ABCB10: variants seen among roughly 807,000 people sequenced by gnomAD.
ABCB10 encodes the protein ATP-binding cassette sub-family B member 10, mitochondrial.
In ABCB10, 54 loss-of-function variants were observed where a neutral mutation model predicts 65.4. That is an observed-to-expected ratio of 0.83 (90% CI 0.66 to 1.04). The LOEUF (loss-of-function observed/expected upper bound fraction) is 1.04. Ranked by LOEUF, ABCB10 falls within the 50% of genes least tolerant of loss-of-function variation. The pLI is 0.00. For synonymous variants in ABCB10, 418 were observed against 406.5 expected (o/e 1.03, Z -0.34); for missense variants, 846 against 976.6 (o/e 0.87, Z 1.78).
intron 12 of ABCB10, 70 bp from the exon 13 acceptor site, chr1:229,518,480 G>GC: frequency 7.8e-7 from 1 of 1,284,792 alleles, no homozygotes; most frequent in Non-Finnish European, 1.1e-6. Context: ...GATACACACA[G>GC]CAGCCCTTCC....
intron 1 of ABCB10, among the ~76,000 whole-genome samples, chr1:229,557,839 A>G (rs1005468330): frequency 6.6e-6 from 1 of 152,234 alleles, no homozygotes; most frequent in African/African-American, 2.4e-5. Context: ...GCCAAAACAG[A>G]TGCTCCCACT....
intron 12 of ABCB10, 56 bp downstream of exon 12, chr1:229,518,785 G>T: frequency 7.1e-7 from 1 of 1,400,558 alleles, no homozygotes; most frequent in Non-Finnish European, 9.8e-7. Context: ...GTGTTTTGGT[G>T]AAGGAAGAAT....
At chr1:229,518,476 C>T in intron 12 of ABCB10, 66 bp from the exon 13 acceptor site, 3 of 1,296,756 alleles carry the variant, frequency 2.3e-6, no homozygotes, top group Non-Finnish European at 3.3e-6. Context: ...TCCTGATACA[C>T]ACAGCAGCCC....
chr1:229,535,065 A>AAAAAAG (rs1662683759), intron 6 of ABCB10: 1 of 148,718 alleles, frequency 6.7e-6, no homozygotes, highest in African/African-American at 2.5e-5. Context: ...AAAAAAAAAA[A>AAAAAAG]AAACCTTGCC....
chr1:229,518,225 C>G lies in ABCB10; in HGVS notation c.2171G>C (p.Gly724Ala), dbSNP rs1662222077. ...TTTGTTCATTAGTTTTCTGTATATC[C>G]CATTTGGTTTTGAAAGCAGCTCTTC... ...KHEELLSKPN[G>A]IYRKLMNKQS... The change falls in exon 13 of 13, where the codon GGG becomes GCG. Residue 724 changes from glycine to alanine, a missense_variant. Physicochemically the swap from Gly to Ala is moderately conservative, Grantham distance 60 (BLOSUM62 0). Coordinates refer to ENST00000344517, the MANE Select transcript of ABCB10 (RefSeq NM_012089.3). 1.2e-6 allele frequency: 2 copies of G among 1,613,940 alleles called. No homozygotes were observed. The highest frequency in any genetic ancestry group is 1.7e-6 in the Non-Finnish European group (2 of 1,179,994).
In ABCB10 at chr1:229,558,572, G is replaced by C; in HGVS notation, c.81C>G (p.Ala27=). ...PAEPGRLLPV[A]CVWAAASRVP... ...CGCGGCTGGCCGCGGCCCACACGCA[G>C]GCTACCGGCAGGAGCCGACCTGGCT... The change falls in exon 1 of 13, where the codon GCC becomes GCG. Residue 27 remains alanine (A), a synonymous_variant. Coordinates refer to ENST00000344517, the MANE Select transcript of ABCB10 (RefSeq NM_012089.3). 1.4e-6 allele frequency: 2 copies of C among 1,445,610 alleles called. No homozygotes were observed. Among genetic ancestry groups the C allele is most frequent in the Non-Finnish European group, 1.8e-6 (2 of 1,101,368 alleles). 89.5% of individuals were successfully genotyped at this position (1,445,610 alleles called of 1,614,324 possible).
At chr1:229,538,472 C>T (rs559752233) in intron 6 of ABCB10, among the ~76,000 whole-genome samples, 3 of 152,096 alleles carry the variant, frequency 2.0e-5, no homozygotes, top group Non-Finnish European at 2.9e-5. Context: ...AACCTCCAGC[C>T]CAGCAGGCTC....
intron 8 of ABCB10, among the ~76,000 whole-genome samples, chr1:229,529,708 A>G (rs1662534709): frequency 6.7e-6 from 1 of 149,640 alleles, no homozygotes; most frequent in Non-Finnish European, 1.5e-5. Context: ...TGAATCACTG[A>G]TGGCCAAGTT....
chr1:229,545,663 T>C (rs1662949087), intron 3 of ABCB10, among the ~76,000 whole-genome samples: 1 of 152,240 alleles, frequency 6.6e-6, no homozygotes. Flanking sequence ...GATCAAGTAC[T>C]TTCAATGAAA....
chr1:229,521,646 C>T lies in ABCB10; in HGVS notation c.1907-11G>A, dbSNP rs1378196917. 1.2e-6 allele frequency: 2 copies of T among 1,612,470 alleles called. No individual in the cohort carries two copies. Among genetic ancestry groups the T allele is most frequent in the Non-Finnish European group, 1.7e-6 (2 of 1,179,250 alleles). On this transcript the variant is annotated splice_polypyrimidine_tract_variant and intron_variant, in intron 10 of 12. Transcript: ENST00000344517. ...GCTGTTTCTGCCCACCTGACAAAGACAACATTTAAAAAAAGAAGGCCTCAA... is the reference window on the plus strand; with the variant it reads ...GCTGTTTCTGCCCACCTGACAAAGATAACATTTAAAAAAAGAAGGCCTCAA...
chr1:229,531,503 G>C, intron 7 of ABCB10, 133 bp downstream of exon 7: 1 of 858,198 alleles, frequency 1.2e-6, no homozygotes, highest in East Asian at 2.6e-5. Flanking sequence ...CTCCTCACCC[G>C]GCCCGCCATG....
chr1:229,553,337 C>T (rs972711800), intron 1 of ABCB10, among the ~76,000 whole-genome samples: 6 of 151,992 alleles, frequency 3.9e-5, no homozygotes, highest in Non-Finnish European at 8.8e-5. Flanking sequence ...CTTGAACTGC[C>T]GACCTCAGGT....
At chr1:229,524,789 T>C (rs1662395710) in intron 10 of ABCB10, among the ~76,000 whole-genome samples, 1 of 152,198 alleles carries the variant, frequency 6.6e-6, no homozygotes, top group African/African-American at 2.4e-5. Context: ...ATTTTTAAAG[T>C]TGCTTAAAAG....
intron 3 of ABCB10, among the ~76,000 whole-genome samples, chr1:229,543,856 C>A (rs1390351722): frequency 2.6e-5 from 4 of 152,116 alleles, no homozygotes; most frequent in African/African-American, 9.7e-5. Flanking sequence ...TGGGGTGAGT[C>A]TTGGGGAACA....
intron 1 of ABCB10, 44 bp from the exon 2 acceptor site, chr1:229,549,478 AG>A: frequency 6.4e-7 from 1 of 1,571,976 alleles, no homozygotes; most frequent in Non-Finnish European, 8.7e-7. Flanking sequence ...GCTTCAGCAA[AG>A]GGGCTGCGGT....
intron 10 of ABCB10, among the ~76,000 whole-genome samples, chr1:229,522,998 G>A (rs1483163069): frequency 2.0e-5 from 3 of 152,150 alleles, no homozygotes; most frequent in Non-Finnish European, 2.9e-5. Context: ...TACAGGCAGT[G>A]CCACCATGCC....
chr1:229,521,473 GAAAA>G, intron 11 of ABCB10, 115 bp downstream of exon 11: 4 of 967,694 alleles, frequency 4.1e-6, no homozygotes, highest in Non-Finnish European at 4.3e-6. Flanking sequence ...CCCACTCCAA[GAAAA>G]AAAAAAAAAC....
In ABCB10 at chr1:229,525,979, T is replaced by C. The variant is rs758127052; in HGVS notation, c.1863A>G (p.Gln621=). Residue 621 remains glutamine (Q), a synonymous_variant, in exon 10 of 13, where the codon CAA becomes CAG. Transcript: ENST00000344517. ...TTTCTCCAACCACAGTGTTGAACCC[T>C]TGGGGGAAATTCCGGATGAAGGCCA... The part of the protein sequence containing the change: ...NAVAFIRNFP[Q]GFNTVVGEKG... The C allele has an allele frequency of 1.2e-6, 2 of 1,614,206 alleles. No individual in the cohort carries two copies. The highest frequency in any genetic ancestry group is 1.7e-6 in the Non-Finnish European group (2 of 1,180,024).
intron 10 of ABCB10, among the ~76,000 whole-genome samples, chr1:229,523,940 ATC>A (rs1185558440): frequency 6.6e-6 from 1 of 152,128 alleles, no homozygotes; most frequent in Non-Finnish European, 1.5e-5. Context: ...CTCCTGGAAC[ATC>A]TCAGATCTAT....
Sources: gnomAD v4.1 joint callset for allele counts (sites outside exome capture counted in the v4.1 genomes callset) on GRCh38, gnomAD v4.1.1 for gene constraint, MANE v1.5 for transcripts, NCBI Gene and HGNC (gene_info 2026-07-23, HGNC 2026-07-21) for gene names.